The following WLS variants were observed in gnomAD, a reference collection of about 807,000 sequenced individuals.
The protein encoded by WLS is Wnt ligand secretion mediator, also known as protein wntless homolog.
A neutral mutation model predicts 62.8 loss-of-function variants in WLS; 23 were observed. The ratio of observed to expected loss-of-function variants is 0.37; its 90% CI spans 0.26 to 0.52. The LOEUF (loss-of-function observed/expected upper bound fraction) is 0.52. Among genes scored for constraint, WLS ranks in the 20% least tolerant of loss-of-function variants. The pLI is 0.92. For missense variants in WLS, 615 were observed against 697.3 expected, an observed-to-expected ratio of 0.88 and a Z score of 1.33; for synonymous variants, 246 against 244.1, an observed-to-expected ratio of 1.01 and a Z score of -0.07.
At chr1:68,169,478 T>C (rs1235873274) in intron 2 of WLS, among the ~76,000 whole-genome samples, 1 of 152,214 alleles carries the variant, frequency 6.6e-6, no homozygotes, top group Non-Finnish European at 1.5e-5. Context: ...AAGGATTTCA[T>C]CTGCTCCTGG....
chr1:68,164,008 G>C (rs1015550188), intron 2 of WLS, among the ~76,000 whole-genome samples: 5 of 152,030 alleles, frequency 3.3e-5, no homozygotes, highest in Admixed American at 6.6e-5. Context: ...AAGAAATCTC[G>C]GAAAAGGAAG....
At chr1:68,183,417 C>A in intron 2 of WLS, 1 of 313,300 alleles carries the variant, frequency 3.2e-6, no homozygotes, top group East Asian at 9.3e-5. Flanking sequence ...ATGGCCTGTT[C>A]CATCATAGCA....
At chr1:68,130,330 G>A (rs1055683759) in intron 11 of WLS, among the ~76,000 whole-genome samples, 2 of 152,116 alleles carry the variant, frequency 1.3e-5, no homozygotes, top group African/African-American at 2.4e-5. Context: ...CACTACCAAT[G>A]CAAATTAACA....
At chr1:68,186,245 A>C (rs1647930564) in intron 2 of WLS, among the ~76,000 whole-genome samples, 1 of 152,214 alleles carries the variant, frequency 6.6e-6, no homozygotes, top group Non-Finnish European at 1.5e-5. Flanking sequence ...TTGGAAACTC[A>C]AATCCTAGCT....
At chr1:68,167,473 A>T (rs148842278) in intron 2 of WLS, among the ~76,000 whole-genome samples, 2,022 of 152,290 alleles carry the variant, frequency 0.013, 27 homozygotes, top group Non-Finnish European at 0.022. Flanking sequence ...TGTGGGCAAT[A>T]CTTCCCCTCC....
intron 11 of WLS, among the ~76,000 whole-genome samples, chr1:68,110,798 G>A (rs1646219241): frequency 6.6e-6 from 1 of 151,904 alleles, no homozygotes; most frequent in Non-Finnish European, 1.5e-5. Flanking sequence ...TAGATCATGA[G>A]TGGCTTATTC....
intron 1 of WLS, among the ~76,000 whole-genome samples, chr1:68,219,987 A>G (rs1265867795): frequency 1.3e-5 from 2 of 152,172 alleles, no homozygotes; most frequent in Non-Finnish European, 2.9e-5. Flanking sequence ...TCTCTTCCAC[A>G]TAATGAGTGA....
At chr1:68,111,462 C>T (rs928771236) in intron 11 of WLS, among the ~76,000 whole-genome samples, 9 of 152,166 alleles carry the variant, frequency 5.9e-5, no homozygotes, top group Admixed American at 1.3e-4. Flanking sequence ...AAGGGCTGCT[C>T]GGTTCTCATT....
At chr1:68,162,982 C>G (rs757427430) in intron 2 of WLS, 1 of 1,594,644 alleles carries the variant, frequency 6.3e-7, no homozygotes, top group Admixed American at 1.7e-5. Context: ...TCCAGCAGCG[C>G]CACCAGGGGG....
intron 11 of WLS, among the ~76,000 whole-genome samples, chr1:68,112,861 C>G (rs1213019051): frequency 2.0e-5 from 3 of 152,266 alleles, no homozygotes; most frequent in Non-Finnish European, 4.4e-5. Context: ...CAAATATCTT[C>G]TCTTCCTGGC....
At chr1:68,205,741 C>T (rs563376624) in intron 1 of WLS, among the ~76,000 whole-genome samples, 5 of 152,316 alleles carry the variant, frequency 3.3e-5, no homozygotes, top group Admixed American at 3.3e-4. Context: ...AAAAAGCAAA[C>T]ACTCCCTTCT....
At chr1:68,110,221 AAATTT>A (rs1244532876) in intron 11 of WLS, among the ~76,000 whole-genome samples, 1 of 151,882 alleles carries the variant, frequency 6.6e-6, no homozygotes, top group Non-Finnish European at 1.5e-5. Context: ...GATTTTTAAA[AAATTT>A]AATTTAAAAT....
At chr1:68,184,226 C>A (rs757739307) in intron 2 of WLS, among the ~76,000 whole-genome samples, 9 of 152,172 alleles carry the variant, frequency 5.9e-5, no homozygotes, top group Non-Finnish European at 1.0e-4. Flanking sequence ...TAAACAAATT[C>A]TCTAACTTTG....
chr1:68,170,657 A>T (rs1557494318), intron 2 of WLS, among the ~76,000 whole-genome samples: 2 of 151,826 alleles, frequency 1.3e-5, no homozygotes, highest in Non-Finnish European at 2.9e-5. Context: ...ATCTTCTGGA[A>T]TTCCCCCCAG....
At chr1:68,144,470 C>T in intron 10 of WLS, 99 bp downstream of exon 10, 1 of 1,185,658 alleles carries the variant, frequency 8.4e-7, no homozygotes. Flanking sequence ...GAATTATGGC[C>T]TCTCTCCTCC....
chr1:68,176,388 C>T (rs558080235), intron 2 of WLS: 2 of 137,854 alleles, frequency 1.5e-5, no homozygotes, highest in East Asian at 3.9e-4. Context: ...AAAAGGTTCA[C>T]AGATGCCCTC....
chr1:68,106,523 G>A (rs17130473), intron 11 of WLS, among the ~76,000 whole-genome samples: 2,709 of 152,228 alleles, frequency 0.018, 59 homozygotes, highest in African/African-American at 0.051. Flanking sequence ...GAAAGTATAC[G>A]GTTATTGGAG....
At chr1:68,191,623 C>T (rs1463008269) in intron 2 of WLS, among the ~76,000 whole-genome samples, 2 of 152,078 alleles carry the variant, frequency 1.3e-5, no homozygotes, top group Non-Finnish European at 2.9e-5. Context: ...ACTGAGTGTT[C>T]GTATGGCTGG....
At chr1:68,156,078 A>G (rs1219159193) in intron 3 of WLS, among the ~76,000 whole-genome samples, 1 of 151,988 alleles carries the variant, frequency 6.6e-6, no homozygotes, top group Non-Finnish European at 1.5e-5. Context: ...TTTTTTTGAA[A>G]ACTAAATTCT....
Sources: allele counts gnomAD v4.1 joint callset (sites outside exome capture counted in the v4.1 genomes callset), GRCh38; gene constraint gnomAD v4.1.1; transcripts MANE v1.5; gene names NCBI Gene and HGNC (gene_info 2026-07-23, HGNC 2026-07-21).